ALKAL1: variants seen among roughly 807,000 people sequenced by gnomAD.
ALKAL1 encodes AUG-beta.
A neutral mutation model predicts 13.5 loss-of-function variants in ALKAL1; 23 were observed. The observed-to-expected ratio is 1.70, with a 90% CI of 1.23 to 2.41. The LOEUF is 2.41. Ranked by LOEUF, ALKAL1 falls within the 30% of genes most tolerant of loss-of-function variation. ALKAL1 has a pLI of 0.00. For missense variants in ALKAL1, 181 were observed against 178.4 expected, an observed-to-expected ratio of 1.01 and a Z score of -0.08; for synonymous variants, 85 against 77.7, an observed-to-expected ratio of 1.09 and a Z score of -0.49.
At chr8:52,555,255 C>T (rs1051059873) in intron 1 of ALKAL1, among the ~76,000 whole-genome samples, 4 of 151,502 alleles carry the variant, frequency 2.6e-5, no homozygotes, top group Non-Finnish European at 5.9e-5. Flanking sequence ...CAGGAAGAGG[C>T]GATGGAGGGC....
At chr8:52,546,423 C>G (rs533112236) in intron 1 of ALKAL1, among the ~76,000 whole-genome samples, 1 of 152,178 alleles carries the variant, frequency 6.6e-6, no homozygotes, top group South Asian at 2.1e-4. Flanking sequence ...AAATAATAGA[C>G]GCTAGGAATA....
chr8:52,535,550 C>CAAAAAAAAAAAAAAAAAAAAAAAGAA (rs1847257906), intron 4 of ALKAL1, among the ~76,000 whole-genome samples: 14 of 68,612 alleles, frequency 2.0e-4, no homozygotes, highest in Middle Eastern at 0.011. Flanking sequence ...GACCCTGTCT[C>CAAAAAAAAAAAAAAAAAAAAAAAGAA]AAAAAAAAAA....
chr8:52,552,396 C>A (rs1847438690), intron 1 of ALKAL1, among the ~76,000 whole-genome samples: 1 of 152,192 alleles, frequency 6.6e-6, no homozygotes, highest in African/African-American at 2.4e-5. Context: ...CAAAGCTACT[C>A]CTTCCCCACC....
At chr8:52,556,203 G>T (rs1369491176) in intron 1 of ALKAL1, among the ~76,000 whole-genome samples, 1 of 152,134 alleles carries the variant, frequency 6.6e-6, no homozygotes, top group East Asian at 1.9e-4. Context: ...ACCTTATTGT[G>T]AATGTTTTTG....
chr8:52,561,371 G>A (rs1157244484), intron 1 of ALKAL1, among the ~76,000 whole-genome samples: 1 of 152,156 alleles, frequency 6.6e-6, no homozygotes, highest in Non-Finnish European at 1.5e-5. Context: ...ATAAATAACC[G>A]AACTGCAAAG....
intron 4 of ALKAL1, among the ~76,000 whole-genome samples, chr8:52,536,221 G>A (rs1847265931): frequency 6.6e-6 from 1 of 152,150 alleles, no homozygotes; most frequent in African/African-American, 2.4e-5. Context: ...TTACAGGCGT[G>A]AGCCACCATG....
chr8:52,538,089 GAAA>G (rs74773505), intron 4 of ALKAL1, among the ~76,000 whole-genome samples: 1 of 130,834 alleles, frequency 7.6e-6, no homozygotes. Flanking sequence ...CTCTGCCTCC[GAAA>G]AAAAAAAAAA....
chr8:52,538,634 C>T (rs1847285472), intron 3 of ALKAL1, 127 bp from the exon 4 acceptor site: 2 of 627,670 alleles, frequency 3.2e-6, no homozygotes, highest in Admixed American at 6.2e-5. Flanking sequence ...ATGTTAAGTG[C>T]TGAAAATGGA....
intron 1 of ALKAL1, among the ~76,000 whole-genome samples, chr8:52,554,746 A>G (rs571498584): frequency 1.3e-5 from 2 of 152,294 alleles, no homozygotes; most frequent in South Asian, 4.1e-4. Flanking sequence ...GCTGAAGAAG[A>G]GATGTTTGGA....
chr8:52,547,364 G>T (rs1396376228), intron 1 of ALKAL1, among the ~76,000 whole-genome samples: 2 of 152,086 alleles, frequency 1.3e-5, no homozygotes, highest in South Asian at 2.1e-4. Context: ...GCCTAGCGTG[G>T]TAGCGTGTGC....
intron 1 of ALKAL1, among the ~76,000 whole-genome samples, chr8:52,555,622 T>C (rs1269694160): frequency 1.3e-5 from 2 of 152,194 alleles, no homozygotes; most frequent in African/African-American, 4.8e-5. Context: ...TTTCTGACTC[T>C]GGGCCAACAT....
chr8:52,552,346 G>C (rs1199688177), intron 1 of ALKAL1, among the ~76,000 whole-genome samples: 1 of 151,992 alleles, frequency 6.6e-6, no homozygotes, highest in Non-Finnish European at 1.5e-5. Flanking sequence ...TGTTGACCTT[G>C]ACCTCCTGGC....
At chr8:52,534,728 G>A (rs2150342652) in intron 4 of ALKAL1, 128 bp from the exon 5 acceptor site, 1 of 427,586 alleles carries the variant, frequency 2.3e-6, no homozygotes. Flanking sequence ...GTCTAATCCT[G>A]AGAATGCAGA....
Position 52,542,420 on chromosome 8 carries a change from T to A in ALKAL1, c.216A>T (p.Leu72Phe). 6.5e-7 allele frequency: 1 copy of A among 1,549,406 alleles called. No homozygotes were observed. The highest frequency in any genetic ancestry group is 8.9e-7 in the Non-Finnish European group (1 of 1,128,256). Residue 72 changes from leucine to phenylalanine, a missense_variant, in exon 2 of 5, where the codon TTA becomes TTT. By Grantham distance (22) the Leu-to-Phe change is conservative (BLOSUM62 0). Coordinates refer to ENST00000358543, the MANE Select transcript of ALKAL1 (RefSeq NM_207413.4). The part of the protein sequence containing the change: ...SAEIFPRDSN[L>F]KDKFIKHFTG... ...TGAAATGCTTTATGAATTTGTCTTT[T>A]AAGTTAGAGTCTCTTGGGAATATTT... is the stretch of plus-strand genomic sequence containing the variant.
chr8:52,538,512 G>A lies in ALKAL1; in HGVS notation c.326-5C>T. On this transcript the variant is annotated splice_region_variant and splice_polypyrimidine_tract_variant and intron_variant, in intron 3 of 4. Coordinates refer to ENST00000358543, the MANE Select transcript of ALKAL1 (RefSeq NM_207413.4). ...ATCTAGCACATCTTTTGTAATCTAG[G>A]AAAAACATTTAAAGGTAAATTATAT... 6.3e-7 allele frequency: 1 copy of A among 1,591,842 alleles called. No individual in the cohort carries two copies. The highest frequency in any genetic ancestry group is 8.6e-7 in the Non-Finnish European group (1 of 1,162,482).
At chr8:52,552,452 T>G (rs184094683) in intron 1 of ALKAL1, among the ~76,000 whole-genome samples, 16 of 152,166 alleles carry the variant, frequency 1.1e-4, no homozygotes, top group African/African-American at 3.6e-4. Context: ...GAGGTCACTA[T>G]GCTCAGCCCA....
At chr8:52,548,363 G>A (rs1050145187) in intron 1 of ALKAL1, among the ~76,000 whole-genome samples, 1 of 151,126 alleles carries the variant, frequency 6.6e-6, no homozygotes, top group African/African-American at 2.4e-5. Context: ...AAAAAAAAAA[G>A]AAGAAGAAAT....
intron 1 of ALKAL1, among the ~76,000 whole-genome samples, chr8:52,545,496 C>A (rs1023512833): frequency 1.1e-4 from 16 of 151,794 alleles, no homozygotes; most frequent in Admixed American, 5.9e-4. Flanking sequence ...GAACCCCCCC[C>A]ACACCCACCT....
intron 1 of ALKAL1, among the ~76,000 whole-genome samples, chr8:52,554,946 C>T (rs1365394862): frequency 1.3e-5 from 2 of 151,966 alleles, no homozygotes; most frequent in East Asian, 1.9e-4. Context: ...CTGAGGCGGG[C>T]GGATCACGAG....
Sources: allele counts gnomAD v4.1 joint callset (sites outside exome capture counted in the v4.1 genomes callset), GRCh38; gene constraint gnomAD v4.1.1; transcripts MANE v1.5; gene names NCBI Gene and HGNC (gene_info 2026-07-23, HGNC 2026-07-21).